The following NTN1 variants were observed in gnomAD, a reference collection of about 807,000 sequenced individuals.
NTN1 encodes netrin 1.
Under a neutral mutation model 54.2 loss-of-function variants are expected in NTN1, and 11 were observed. The observed-to-expected ratio is 0.20, with a 90% confidence interval of 0.13 to 0.34. The LOEUF (loss-of-function observed/expected upper bound fraction) is 0.34. NTN1 is among the 10% of genes least tolerant of loss of function. The pLI is 1.00. For missense variants in NTN1, 740 were observed against 893.1 expected (o/e 0.83, Z 2.18); for synonymous variants, 371 against 382.0 (o/e 0.97, Z 0.33).
chr17:9,138,514 C>T (rs868299909), intron 2 of NTN1, among the ~76,000 whole-genome samples: 2 of 152,206 alleles, frequency 1.3e-5, no homozygotes, highest in African/African-American at 4.8e-5. Flanking sequence ...CCACTCTCCG[C>T]ACACTGTCAC....
chr17:9,235,916 T>C (rs1376391199), intron 6 of NTN1, among the ~76,000 whole-genome samples: 2 of 151,952 alleles, frequency 1.3e-5, no homozygotes, highest in Non-Finnish European at 2.9e-5. Context: ...CACGCCCAGC[T>C]AATTTTTTGT....
intron 4 of NTN1, among the ~76,000 whole-genome samples, chr17:9,181,085 C>T (rs1379207762): frequency 2.0e-5 from 3 of 152,172 alleles, no homozygotes; most frequent in Non-Finnish European, 4.4e-5. Context: ...CAAGCCTAGA[C>T]ACGAGAGCTG....
At chr17:9,044,517 T>C (rs1230327308) in intron 2 of NTN1, among the ~76,000 whole-genome samples, 2 of 152,208 alleles carry the variant, frequency 1.3e-5, no homozygotes, top group Non-Finnish European at 2.9e-5. Flanking sequence ...ATTATAGACA[T>C]GAGCCACCAC....
chr17:9,158,006 G>A (rs551314141), intron 2 of NTN1, among the ~76,000 whole-genome samples: 12 of 152,320 alleles, frequency 7.9e-5, no homozygotes, highest in East Asian at 5.8e-4. Flanking sequence ...GTGTGGAGCC[G>A]AGGGATCCAG....
At chr17:9,224,799 TG>T (rs1488158611) in intron 6 of NTN1, among the ~76,000 whole-genome samples, 1 of 110,572 alleles carries the variant, frequency 9.0e-6, no homozygotes, top group Non-Finnish European at 2.1e-5. Flanking sequence ...CAGGTGGGGA[TG>T]GGGTGGGGGG....
intron 2 of NTN1, among the ~76,000 whole-genome samples, chr17:9,158,283 G>C (rs1377162313): frequency 4.6e-5 from 7 of 152,190 alleles, no homozygotes; most frequent in Admixed American, 1.3e-4. Context: ...CCAGCCCCCA[G>C]CTTCCTCCTG....
At chr17:9,179,675 T>G in intron 3 of NTN1, 132 bp from the exon 4 acceptor site, 4 of 1,163,042 alleles carry the variant, frequency 3.4e-6, no homozygotes, top group Non-Finnish European at 4.7e-6. Context: ...TGGGCTTGGC[T>G]GGGCCTGCTC....
the NTN1 span, among the ~76,000 whole-genome samples, chr17:9,007,357 CTCT>C: frequency 3.7e-5 from 5 of 136,678 alleles, no homozygotes; most frequent in South Asian, 2.3e-4. Flanking sequence ...CTTTCTCTCT[CTCT>C]TTTCTTTCTT....
chr17:9,010,323 C>A, the NTN1 span, among the ~76,000 whole-genome samples: 3 of 152,194 alleles, frequency 2.0e-5, no homozygotes, highest in Non-Finnish European at 4.4e-5. Flanking sequence ...GGACTGTGAT[C>A]TGGGTTGTAA....
chr17:9,166,097 C>A (rs988373110), intron 3 of NTN1, among the ~76,000 whole-genome samples: 1 of 151,642 alleles, frequency 6.6e-6, no homozygotes, highest in Non-Finnish European at 1.5e-5. Context: ...CAGATGCTGG[C>A]GGGATGTGTA....
intron 4 of NTN1, among the ~76,000 whole-genome samples, chr17:9,182,176 G>A (rs2092420416): frequency 6.6e-6 from 1 of 152,070 alleles, no homozygotes; most frequent in Non-Finnish European, 1.5e-5. Context: ...GCAAGGTCTT[G>A]CTTTGTTGGC....
At position 9,033,917 on chromosome 17, in the gene NTN1, CA is replaced by C. The variant is rs58699789; in HGVS notation, c.1018+10543del. On this transcript the variant is annotated intron_variant, in intron 2 of 6. Transcript: ENST00000173229. The stretch of plus-strand genomic sequence containing the variant: ...GGGCAACAAGAGCGAAACTCTGTCT[CA>C]AAAAAAAAAAAAAAAAGAAAAAGAA... Among the ~76,000 whole-genome samples, 201 of 106,432 alleles carry C rather than the reference CA, an allele frequency of 1.9e-3. 1 individual carries two copies. The highest frequency in any genetic ancestry group is 9.6e-3 in the Middle Eastern group (2 of 208). The allele number at this position is 106,432 out of a possible 152,430, so 69.8% of individuals were successfully genotyped here.
intron 6 of NTN1, among the ~76,000 whole-genome samples, chr17:9,231,903 CG>C (rs1905828636): frequency 6.6e-6 from 1 of 152,158 alleles, no homozygotes; most frequent in South Asian, 2.1e-4. Context: ...GCGCTGGCCT[CG>C]GGGCGGTTGG....
At chr17:9,131,067 A>C (rs2092263351) in intron 2 of NTN1, among the ~76,000 whole-genome samples, 1 of 152,130 alleles carries the variant, frequency 6.6e-6, no homozygotes, top group Admixed American at 6.5e-5. Flanking sequence ...TCTGCCAGGC[A>C]CACTCTTAAC....
At chr17:9,097,812 A>T (rs1408825256) in intron 2 of NTN1, among the ~76,000 whole-genome samples, 2 of 152,120 alleles carry the variant, frequency 1.3e-5, no homozygotes, top group Non-Finnish European at 2.9e-5. Flanking sequence ...TTAGTATGCC[A>T]TTGAATGCAT....
chr17:9,223,966 T>C (rs528213147), intron 6 of NTN1, among the ~76,000 whole-genome samples: 1 of 152,312 alleles, frequency 6.6e-6, no homozygotes, highest in African/African-American at 2.4e-5. Context: ...TGGTTTGGTT[T>C]TAGTCTCGAA....
chr17:9,141,456 G>T (rs1227693576), intron 2 of NTN1, among the ~76,000 whole-genome samples: 1 of 152,188 alleles, frequency 6.6e-6, no homozygotes, highest in African/African-American at 2.4e-5. Flanking sequence ...GATCCAACAT[G>T]AGTTGGATTT....
chr17:9,179,541 C>T (rs889911508), intron 3 of NTN1, among the ~76,000 whole-genome samples: 1 of 152,246 alleles, frequency 6.6e-6, no homozygotes, highest in African/African-American at 2.4e-5. Flanking sequence ...TCCTGGGCTT[C>T]CAAAGGGCTT....
chr17:9,191,865 TA>T lies in NTN1; in HGVS notation c.1411+8922del, dbSNP rs60675960. Among the ~76,000 whole-genome samples the T allele has an allele frequency of 3.1e-3, 278 of 89,178 alleles. 4 individuals carry two copies. Among genetic ancestry groups the T allele is most frequent in the African/African-American group, 0.01 (209 of 20,766 alleles). The allele number at this position is 89,178 out of a possible 152,430, so 58.5% of individuals were successfully genotyped here. On this transcript the variant is annotated intron_variant, in intron 5 of 6. Transcript: ENST00000173229. ...CAACATAATGAGACCTTATCGCTAC[TA>T]AAAAAAAAAAAAAAAAAAAAAAAAA...
Sources: gnomAD v4.1 joint callset for allele counts (sites outside exome capture counted in the v4.1 genomes callset) on GRCh38, gnomAD v4.1.1 for gene constraint, MANE v1.5 for transcripts, NCBI Gene and HGNC (gene_info 2026-07-23, HGNC 2026-07-21) for gene names.